SLC38A11: variants seen among roughly 807,000 people sequenced by gnomAD.
SLC38A11 encodes the protein putative sodium-coupled neutral amino acid transporter 11.
Under a neutral mutation model 49.4 loss-of-function variants are expected in SLC38A11, and 51 were observed. The observed-to-expected ratio is 1.03, with a 90% CI of 0.83 to 1.30. SLC38A11 has a LOEUF of 1.30. Ranked by LOEUF, SLC38A11 falls within the 50% of genes most tolerant of loss-of-function variation. The pLI is 0.00. For missense variants in SLC38A11, 574 were observed against 556.2 expected, an observed-to-expected ratio of 1.03 and a Z score of -0.32; for synonymous variants, 203 against 192.9, an observed-to-expected ratio of 1.05 and a Z score of -0.43.
intron 11 of SLC38A11, among the ~76,000 whole-genome samples, chr2:164,906,578 C>T (rs1685021184): frequency 1.3e-5 from 2 of 152,232 alleles, no homozygotes; most frequent in South Asian, 2.1e-4. Context: ...CGAGATAATA[C>T]ATAAATTAAG....
At chr2:164,946,435 G>A (rs555706280) in intron 3 of SLC38A11, among the ~76,000 whole-genome samples, 145 of 151,736 alleles carry the variant, frequency 9.6e-4, no homozygotes, top group Middle Eastern at 3.4e-3. Flanking sequence ...GTGTGGTGGC[G>A]CACACTTGTA....
At chr2:164,920,384 AT>A (rs1686108483) in intron 7 of SLC38A11, among the ~76,000 whole-genome samples, 1 of 152,204 alleles carries the variant, frequency 6.6e-6, no homozygotes, top group Non-Finnish European at 1.5e-5. Context: ...CCCCATGCAA[AT>A]TAATAATCAA....
intron 3 of SLC38A11, among the ~76,000 whole-genome samples, chr2:164,951,349 T>G (rs1451766139): frequency 6.6e-6 from 1 of 152,094 alleles, no homozygotes; most frequent in Non-Finnish European, 1.5e-5. Flanking sequence ...CAGGGACAAA[T>G]CCTTGAATGA....
rs1685419928 is a variant in SLC38A11, at chr2:164,911,747, C to T, written c.852G>A (p.Gly284=). Residue 284 remains glycine (G), a splice_region_variant and synonymous_variant, in exon 10 of 12, where the codon GGG becomes GGA. Transcript: ENST00000685975. Reference sequence around the variant, plus strand: ...TTCTGCAGTAATTTTCAAATAAGTCCCCTAGATAGTAATATAAAATAAGTT... The same window carrying T: ...TTCTGCAGTAATTTTCAAATAAGTCTCCTAGATAGTAATATAAAATAAGTT... ...GYLTFTGFTQ[G]DLFENYCRND... 3 of 1,547,102 alleles carry T rather than the reference C, an allele frequency of 1.9e-6. No individual in the cohort carries two copies. The highest frequency in any genetic ancestry group is 2.6e-6 in the Non-Finnish European group (3 of 1,132,766).
chr2:164,940,964 G>T (rs944850139), intron 5 of SLC38A11, among the ~76,000 whole-genome samples: 1 of 151,898 alleles, frequency 6.6e-6, no homozygotes, highest in African/African-American at 2.4e-5. Flanking sequence ...AATTATTTGT[G>T]TATCTATTTC....
chr2:164,903,708 C>A (rs1684811010), intron 11 of SLC38A11, among the ~76,000 whole-genome samples: 1 of 152,112 alleles, frequency 6.6e-6, no homozygotes. Context: ...GATGTAAAAT[C>A]ATAACTGCTT....
intron 11 of SLC38A11, among the ~76,000 whole-genome samples, chr2:164,907,776 A>G (rs1437398539): frequency 6.6e-6 from 1 of 152,194 alleles, no homozygotes; most frequent in Non-Finnish European, 1.5e-5. Flanking sequence ...ATGAAAGAAA[A>G]ATAATCATTA....
intron 11 of SLC38A11, among the ~76,000 whole-genome samples, chr2:164,905,255 C>T: frequency 6.6e-6 from 1 of 151,930 alleles, no homozygotes; most frequent in South Asian, 2.1e-4. Flanking sequence ...GTGGTTGGGA[C>T]TACAGGCATG....
chr2:164,929,981 TA>T (rs1206529888), intron 7 of SLC38A11, among the ~76,000 whole-genome samples: 1 of 151,002 alleles, frequency 6.6e-6, no homozygotes, highest in East Asian at 1.9e-4. Context: ...TGTTTTTTTT[TA>T]AAATTCAAAA....
intron 7 of SLC38A11, among the ~76,000 whole-genome samples, chr2:164,936,943 C>T (rs1018619194): frequency 2.0e-5 from 3 of 152,212 alleles, no homozygotes; most frequent in East Asian, 3.9e-4. Context: ...GGAAAATAAT[C>T]AGAAGAGAAT....
In SLC38A11 at chr2:164,898,434, A is replaced by G; in HGVS notation, c.*3T>C. On this transcript the variant is annotated 3_prime_UTR_variant, in exon 12 of 12. Coordinates refer to ENST00000685975, the MANE Select transcript of SLC38A11 (RefSeq NM_001351537.2). ...AAACATACATATTTTTAAAGCAGTC[A>G]ACTCATTGAAAGATACTAATATTTA... is the stretch of plus-strand genomic sequence containing the variant. The G allele has an allele frequency of 6.3e-7, 1 of 1,596,270 alleles. No homozygotes were observed. The highest frequency in any genetic ancestry group is 8.6e-7 in the Non-Finnish European group (1 of 1,165,334).
chr2:164,919,359 T>C (rs528299276), intron 7 of SLC38A11, among the ~76,000 whole-genome samples: 3 of 151,184 alleles, frequency 2.0e-5, no homozygotes, highest in South Asian at 2.1e-4. Context: ...AAATAAAATA[T>C]TGAAGGAGGA....
chr2:164,904,030 G>C (rs1684831282), intron 11 of SLC38A11, among the ~76,000 whole-genome samples: 2 of 152,094 alleles, frequency 1.3e-5, no homozygotes, highest in African/African-American at 4.8e-5. Context: ...ACTCTCTCTT[G>C]CTCAGGAAGT....
intron 6 of SLC38A11, 188 bp from the exon 7 acceptor site, chr2:164,937,617 G>T (rs1687462334): frequency 2.0e-6 from 1 of 503,220 alleles, no homozygotes; most frequent in Non-Finnish European, 3.6e-6. Context: ...GATCAGTCTT[G>T]GTTCCCCGCA....
At chr2:164,899,184 G>A (rs1040665478) in intron 11 of SLC38A11, among the ~76,000 whole-genome samples, 1 of 152,114 alleles carries the variant, frequency 6.6e-6, no homozygotes, top group African/African-American at 2.4e-5. Flanking sequence ...GGGCCACAAT[G>A]TCTGTCTTCT....
At chr2:164,938,751 G>A (rs1975746) in intron 6 of SLC38A11, among the ~76,000 whole-genome samples, 96,601 of 152,020 alleles carry the variant, frequency 0.64, 31,190 homozygotes, top group East Asian at 0.98. Flanking sequence ...TTTCAAAATA[G>A]AATGTAAAAA....
intron 7 of SLC38A11, among the ~76,000 whole-genome samples, chr2:164,925,613 C>A (rs1686517821): frequency 6.6e-6 from 1 of 152,036 alleles, no homozygotes; most frequent in Non-Finnish European, 1.5e-5. Flanking sequence ...TATATTTTTT[C>A]CAGATCATCT....
chr2:164,912,416 G>A (rs1685464527), intron 9 of SLC38A11: 1 of 151,978 alleles, frequency 6.6e-6, no homozygotes, highest in African/African-American at 2.4e-5. Context: ...TTGTAAACTG[G>A]TTTCTGGTCT....
intron 11 of SLC38A11, among the ~76,000 whole-genome samples, chr2:164,905,120 T>A (rs910123983): frequency 1.1e-4 from 10 of 93,472 alleles, no homozygotes; most frequent in East Asian, 3.1e-4. Context: ...ATTATTATTC[T>A]TTTTTTTTAT....
Sources: gnomAD v4.1 joint callset for allele counts (sites outside exome capture counted in the v4.1 genomes callset) on GRCh38, gnomAD v4.1.1 for gene constraint, MANE v1.5 for transcripts, NCBI Gene and HGNC (gene_info 2026-07-23, HGNC 2026-07-21) for gene names.